The following LARGE1 variants were observed in gnomAD, a reference collection of about 807,000 sequenced individuals.
LARGE1 encodes the protein xylosyl- and glucuronyltransferase LARGE1.
A neutral mutation model predicts 87.6 loss-of-function variants in LARGE1; 43 were observed. That is an observed-to-expected ratio of 0.49 (90% CI 0.38 to 0.63). The LOEUF (loss-of-function observed/expected upper bound fraction) is 0.63, where lower values mean the gene tolerates loss of function less well. LARGE1 is among the 30% of genes least tolerant of loss of function. LARGE1 has a pLI of 0.00. For synonymous variants in LARGE1, 434 were observed against 394.6 expected (o/e 1.10, Z -1.18); for missense variants, 802 against 1,000.2 (o/e 0.80, Z 2.67).
chr22:33,174,017 C>A (rs1454161075), intron 11 of LARGE1, among the ~76,000 whole-genome samples: 5 of 152,170 alleles, frequency 3.3e-5, no homozygotes, highest in African/African-American at 1.2e-4. Flanking sequence ...CAACTCTCCA[C>A]CCCAAATCAA....
chr22:33,383,470 G>T (rs2065225151), intron 8 of LARGE1, among the ~76,000 whole-genome samples: 1 of 152,266 alleles, frequency 6.6e-6, no homozygotes, highest in African/African-American at 2.4e-5. Flanking sequence ...TGAGGCAGGA[G>T]AATTGCTTGA....
intron 6 of LARGE1, among the ~76,000 whole-genome samples, chr22:33,481,220 T>TATACAC (rs148056992): frequency 6.8e-6 from 1 of 146,620 alleles, no homozygotes; most frequent in African/African-American, 2.5e-5. Context: ...GCACTATAGA[T>TATACAC]ACACACACAC....
intron 11 of LARGE1, among the ~76,000 whole-genome samples, chr22:33,213,756 T>A (rs772798209): frequency 2.0e-5 from 3 of 152,254 alleles, no homozygotes; most frequent in African/African-American, 7.2e-5. Flanking sequence ...TGCAGTATAC[T>A]GTAAACATTA....
intron 4 of LARGE1, among the ~76,000 whole-genome samples, chr22:33,619,486 CAG>C (rs1193778399): frequency 6.9e-6 from 1 of 144,878 alleles, no homozygotes; most frequent in African/African-American, 2.6e-5. Context: ...ACTTGGGAGG[CAG>C]AGTTTGCAGT....
intron 5 of LARGE1, among the ~76,000 whole-genome samples, chr22:33,589,986 C>T (rs565393493): frequency 6.6e-6 from 1 of 152,196 alleles, no homozygotes; most frequent in East Asian, 1.9e-4. Flanking sequence ...TTTTGATGAA[C>T]ACTTCACTCA....
At chr22:33,159,365 AT>A (rs1400615367), downstream of LARGE1, among the ~76,000 whole-genome samples, 1 of 152,294 alleles carries the variant, frequency 6.6e-6, no homozygotes, top group East Asian at 1.9e-4. Context: ...ATTCACATAT[AT>A]ATTCATTTAT....
intron 1 of LARGE1, among the ~76,000 whole-genome samples, chr22:33,786,407 T>G (rs1034975227): frequency 1.3e-5 from 2 of 152,188 alleles, no homozygotes; most frequent in African/African-American, 4.8e-5. Flanking sequence ...ATTAATTAGA[T>G]TTGGTCCCTG....
At chr22:33,825,953 C>G (rs747063138) in intron 1 of LARGE1, among the ~76,000 whole-genome samples, 3 of 152,158 alleles carry the variant, frequency 2.0e-5, no homozygotes, top group Non-Finnish European at 4.4e-5. Context: ...GAGCACAGAG[C>G]TGGGGAGGGC....
intron 2 of LARGE1, among the ~76,000 whole-genome samples, chr22:33,703,914 C>A (rs563183608): frequency 6.6e-6 from 1 of 152,174 alleles, no homozygotes; most frequent in South Asian, 2.1e-4. Flanking sequence ...GGTGTGTCTT[C>A]CAGAATGTTA....
intron 1 of LARGE1, among the ~76,000 whole-genome samples, chr22:33,798,586 C>T (rs749971513): frequency 3.3e-5 from 5 of 152,154 alleles, no homozygotes; most frequent in Admixed American, 6.5e-5. Context: ...GGCTTTTTCG[C>T]AACAGGAGTG....
chr22:33,651,618 T>C (rs1277708964), intron 2 of LARGE1, among the ~76,000 whole-genome samples: 2 of 152,106 alleles, frequency 1.3e-5, no homozygotes, highest in Non-Finnish European at 2.9e-5. Flanking sequence ...GTAAACAGCT[T>C]TACTAAATGT....
At chr22:33,776,673 A>ATACT (rs1029381232) in intron 1 of LARGE1, among the ~76,000 whole-genome samples, 5 of 152,326 alleles carry the variant, frequency 3.3e-5, no homozygotes, top group African/African-American at 1.2e-4. Context: ...GCAAATACAC[A>ATACT]TAAGCATTTC....
intron 1 of LARGE1, among the ~76,000 whole-genome samples, chr22:33,884,338 C>T (rs1431281175): frequency 6.6e-6 from 1 of 152,250 alleles, no homozygotes; most frequent in African/African-American, 2.4e-5. Flanking sequence ...CGTTGACCCT[C>T]TTTCCTCTGA....
In LARGE1 at chr22:33,478,810, T is replaced by C. The variant is rs77256405; in HGVS notation, c.788-46545A>G. On this transcript the variant is annotated intron_variant, in intron 6 of 14. Transcript: ENST00000397394. ...TTCCACTGTGTTCCCGTAGCAGGGA[T>C]AGTCCAAGTCCCTGATGTGGCACTT... Among the ~76,000 whole-genome samples, 663 of 152,292 alleles carry C rather than the reference T, an allele frequency of 4.4e-3. 3 individuals carry two copies. The highest frequency in any genetic ancestry group is 0.015 in the African/African-American group (625 of 41,564).
chr22:33,184,261 C>T (rs1420297493), intron 11 of LARGE1, among the ~76,000 whole-genome samples: 6 of 150,976 alleles, frequency 4.0e-5, no homozygotes, highest in African/African-American at 7.3e-5. Flanking sequence ...AGTAAATAAC[C>T]GGATTACAAT....
intron 11 of LARGE1, among the ~76,000 whole-genome samples, chr22:33,231,425 T>C (rs1011615150): frequency 2.0e-5 from 3 of 152,234 alleles, no homozygotes; most frequent in Middle Eastern, 3.2e-3. Flanking sequence ...ACACATTTCA[T>C]AGGGCACTTG....
At chr22:33,307,686 G>C (rs937834414) in intron 11 of LARGE1, among the ~76,000 whole-genome samples, 2 of 152,076 alleles carry the variant, frequency 1.3e-5, no homozygotes, top group African/African-American at 4.8e-5. Flanking sequence ...GGGGAAAAAA[G>C]ACAATCAACA....
intron 14 of LARGE1, 114 bp downstream of exon 14, chr22:33,276,946 C>T (rs1002915108): frequency 1.2e-5 from 12 of 1,008,086 alleles, no homozygotes; most frequent in Non-Finnish European, 1.7e-5. Context: ...GGTCCTCAAG[C>T]ATATCTTGTT....
intron 7 of LARGE1, among the ~76,000 whole-genome samples, chr22:33,395,226 C>CCAAAAAA (rs2065691517): frequency 1.6e-5 from 1 of 61,640 alleles, no homozygotes; most frequent in Non-Finnish European, 3.1e-5. Context: ...GACTCTGCCT[C>CCAAAAAA]AAAAAAAAAA....
Sources: gnomAD v4.1 joint callset for allele counts (sites outside exome capture counted in the v4.1 genomes callset) on GRCh38, gnomAD v4.1.1 for gene constraint, MANE v1.5 for transcripts, NCBI Gene and HGNC (gene_info 2026-07-23, HGNC 2026-07-21) for gene names.